The following MYO16 variants were observed in gnomAD, a reference collection of about 807,000 sequenced individuals.
The protein encoded by MYO16 is unconventional myosin-XVI.
In MYO16, 94 loss-of-function variants were observed where a neutral mutation model predicts 205.3. The ratio of observed to expected loss-of-function variants is 0.46; its 90% confidence interval spans 0.39 to 0.54. The LOEUF is 0.54. MYO16 is among the 20% of genes least tolerant of loss of function. The probability of loss-of-function intolerance (pLI) is 0.00; values close to 1 mark genes in which losing one functional copy is unlikely to be tolerated. For missense variants in MYO16, 2,315 were observed against 2,387.5 expected (o/e 0.97, Z 0.63); for synonymous variants, 988 against 954.0 (o/e 1.04, Z -0.66).
chr13:108,845,631 G>A lies in MYO16; in HGVS notation c.1248+1138G>A, dbSNP rs190731565. Among the ~76,000 whole-genome samples, 499 of 152,258 alleles carry A rather than the reference G, an allele frequency of 3.3e-3. 2 individuals carry two copies. The highest frequency in any genetic ancestry group is 0.011 in the African/African-American group (447 of 41,548). ...TATCTCCAAATACAGTTGCATTAGGGATGGGGGCTTCCACATATGAGTTTG... is the reference window on the plus strand; with the variant it reads ...TATCTCCAAATACAGTTGCATTAGGAATGGGGGCTTCCACATATGAGTTTG... On this transcript the variant is annotated intron_variant, in intron 10 of 34. Transcript: ENST00000457511.
At chr13:108,575,693 G>A in the MYO16 span, among the ~76,000 whole-genome samples, 5 of 152,040 alleles carry the variant, frequency 3.3e-5, no homozygotes, top group African/African-American at 9.7e-5. Flanking sequence ...CTTTCACTTT[G>A]GTTACAAATG....
chr13:108,632,389 C>T (rs1399138651), intron 1 of MYO16, among the ~76,000 whole-genome samples: 1 of 152,110 alleles, frequency 6.6e-6, no homozygotes, highest in Non-Finnish European at 1.5e-5. Context: ...GGAGCAGGAC[C>T]TTCTGAAATG....
At chr13:109,112,475 G>T (rs551970350) in intron 28 of MYO16, among the ~76,000 whole-genome samples, 64 of 152,146 alleles carry the variant, frequency 4.2e-4, no homozygotes, top group African/African-American at 1.5e-3. Flanking sequence ...ATTTTTGATG[G>T]CCGGGCATGG....
intron 27 of MYO16, among the ~76,000 whole-genome samples, chr13:109,099,024 G>A (rs983181052): frequency 3.3e-5 from 5 of 152,140 alleles, no homozygotes; most frequent in African/African-American, 9.7e-5. Flanking sequence ...TTCTCATGTA[G>A]TTGTAAGACG....
Position 108,965,252 on chromosome 13 carries a change from A to G in MYO16, c.2369+350A>G, listed in dbSNP as rs568145232. ...AAGACACTCTAAGAACAGGTAAGGC[A>G]CTGGAATTTGTGGAGTAACTCATGC... On this transcript the variant is annotated intron_variant, in intron 20 of 34. Coordinates refer to ENST00000457511, the MANE Select transcript of MYO16 (RefSeq NM_001198950.3). 3.9e-5 allele frequency among the ~76,000 whole-genome samples: 6 copies of G among 152,286 alleles called. No individual in the cohort carries two copies. In the East Asian group the frequency reaches 1.2e-3, roughly 29 times the overall value.
chr13:108,853,096 C>T (rs1877969183), intron 10 of MYO16, among the ~76,000 whole-genome samples: 1 of 152,240 alleles, frequency 6.6e-6, no homozygotes, highest in South Asian at 2.1e-4. Flanking sequence ...ATCAAGACCA[C>T]CAGTTCCTTC....
intron 7 of MYO16, among the ~76,000 whole-genome samples, chr13:108,820,112 T>A (rs1236041890): frequency 1.3e-5 from 2 of 152,214 alleles, no homozygotes; most frequent in African/African-American, 4.8e-5. Context: ...ATTAAATCCT[T>A]ATTGGATAAA....
chr13:108,939,712 G>A (rs539166335), intron 16 of MYO16, among the ~76,000 whole-genome samples: 8 of 152,140 alleles, frequency 5.3e-5, no homozygotes, highest in Non-Finnish European at 1.0e-4. Flanking sequence ...TATTCCTAAT[G>A]TCTCTAATTC....
chr13:109,025,554 T>C (rs552883331), intron 23 of MYO16, among the ~76,000 whole-genome samples: 32 of 152,284 alleles, frequency 2.1e-4, no homozygotes, highest in South Asian at 1.2e-3. Flanking sequence ...TGGCTAGATA[T>C]TTGTTTTAGC....
At position 109,140,674 on chromosome 13, in the gene MYO16, G is replaced by C; in HGVS notation, c.4462G>C (p.Asp1488His). The change falls in exon 32 of 35, where the codon GAC (aspartate) becomes CAC (histidine). Residue 1488 changes from aspartate to histidine, a missense_variant. By Grantham distance (81) the Asp-to-His change is moderately conservative. Around this residue, in one of 3 missense-constraint regions of MYO16, gnomAD observed 1,097 missense variants for 1,092.0 expected, o/e 1.00. Coordinates refer to ENST00000457511, the MANE Select transcript of MYO16 (RefSeq NM_001198950.3). This position sits in a 1 kb window ranked among gnomAD's most constrained non-coding sequence, Gnocchi z 8.0. ...SPPLLHRAPE[D>H]EAAGPPGDAC... is the part of the protein sequence containing the mutation. The stretch of plus-strand genomic sequence containing the variant: ...GCCCCTGCTCCACCGCGCGCCGGAG[G>C]ACGAGGCGGCGGGGCCCCCAGGGGA... The C allele has an allele frequency of 6.7e-7, 1 of 1,487,028 alleles. No homozygotes were observed. Among genetic ancestry groups the C allele is most frequent in the African/African-American group, 1.5e-5 (1 of 68,284 alleles). 92.1% of individuals were successfully genotyped at this position (1,487,028 alleles called of 1,614,324 possible).
chr13:108,757,096 A>G (rs747466532), intron 4 of MYO16, among the ~76,000 whole-genome samples: 4 of 152,230 alleles, frequency 2.6e-5, no homozygotes, highest in Non-Finnish European at 5.9e-5. Flanking sequence ...AATACATTTA[A>G]CTTTTAATAC....
At chr13:109,120,862 C>T (rs1875955582) in intron 29 of MYO16, among the ~76,000 whole-genome samples, 2 of 152,026 alleles carry the variant, frequency 1.3e-5, no homozygotes, top group Non-Finnish European at 2.9e-5. Context: ...CCAGCCTGGG[C>T]AACATAGTGA....
intron 6 of MYO16, among the ~76,000 whole-genome samples, chr13:108,800,368 T>C (rs1181755132): frequency 1.3e-5 from 2 of 152,120 alleles, no homozygotes. Flanking sequence ...CTACACACAG[T>C]GGGAAGGGAA....
chr13:108,569,283 C>T, the MYO16 span, among the ~76,000 whole-genome samples: 1 of 152,078 alleles, frequency 6.6e-6, no homozygotes, highest in South Asian at 2.1e-4. Context: ...TTGAGGCTTC[C>T]AGTCCATGAA....
chr13:108,973,189 A>G (rs1193945305), intron 20 of MYO16, among the ~76,000 whole-genome samples: 1 of 151,790 alleles, frequency 6.6e-6, no homozygotes, highest in Non-Finnish European at 1.5e-5. Flanking sequence ...CTGATTATGG[A>G]GGGAAAAAAT....
chr13:108,663,586 G>A (rs1881596584), intron 1 of MYO16, among the ~76,000 whole-genome samples: 1 of 152,034 alleles, frequency 6.6e-6, no homozygotes, highest in Non-Finnish European at 1.5e-5. Context: ...AATCATAAAG[G>A]AAAATAAGAA....
At chr13:109,008,039 A>G (rs1885457966) in intron 21 of MYO16, among the ~76,000 whole-genome samples, 1 of 152,194 alleles carries the variant, frequency 6.6e-6, no homozygotes, top group Non-Finnish European at 1.5e-5. Context: ...TTGAGACTCA[A>G]CGTTTGTAAT....
rs79708752 is a variant in MYO16 at position 108,862,304 on chromosome 13, T to C, written c.1360-3873T>C. The stretch of plus-strand genomic sequence containing the variant: ...GGTTGTATGCAGAAGAGTTGCATCA[T>C]GATTTTGACTTGCAGGATTTTGGAC... On this transcript the variant is annotated intron_variant, in intron 11 of 34. Coordinates refer to ENST00000457511, the MANE Select transcript of MYO16 (RefSeq NM_001198950.3). Among the ~76,000 whole-genome samples, 17 of 152,318 alleles carry C rather than the reference T, an allele frequency of 1.1e-4. No individual in the cohort carries two copies. In the East Asian group the frequency reaches 2.3e-3, roughly 21 times the overall value.
At chr13:108,543,644 G>GAAAAAAAAAAAAAAA in the MYO16 span, among the ~76,000 whole-genome samples, 1 of 77,500 alleles carries the variant, frequency 1.3e-5, no homozygotes, top group Non-Finnish European at 2.7e-5. Flanking sequence ...TCCCTCTCAA[G>GAAAAAAAAAAAAAAA]AAAAAAAAAA....
Sources: gnomAD v4.1 joint callset for allele counts (sites outside exome capture counted in the v4.1 genomes callset) on GRCh38, gnomAD v4.1.1 for gene constraint, gnomAD v4.1.1 regional missense constraint, Gnocchi (gnomAD v3.1) non-coding constraint, MANE v1.5 for transcripts, NCBI Gene and HGNC (gene_info 2026-07-23, HGNC 2026-07-21) for gene names.